The following SLC4A4 variants were observed in gnomAD, a reference collection of about 807,000 sequenced individuals.
The protein encoded by SLC4A4 is solute carrier family 4 member 4.
A neutral mutation model predicts 111.5 loss-of-function variants in SLC4A4; 27 were observed. The observed-to-expected ratio is 0.24, with a 90% CI of 0.18 to 0.33. The LOEUF is 0.33. Among genes scored for constraint, SLC4A4 ranks in the 10% least tolerant of loss-of-function variants. SLC4A4 has a pLI of 1.00. For missense variants in SLC4A4, 909 were observed against 1,315.5 expected (o/e 0.69, Z 4.78); for synonymous variants, 443 against 463.4 (o/e 0.96, Z 0.57).
At chr4:71,229,263 A>G (rs1719243576) in intron 1 of SLC4A4, among the ~76,000 whole-genome samples, 1 of 152,286 alleles carries the variant, frequency 6.6e-6, no homozygotes, top group African/African-American at 2.4e-5. Context: ...GCTAAGCAGT[A>G]TTTCATGGTA....
chr4:71,420,328 G>A (rs1254696727), intron 7 of SLC4A4, among the ~76,000 whole-genome samples: 2 of 152,138 alleles, frequency 1.3e-5, no homozygotes. Flanking sequence ...AAGAAATATG[G>A]GACTATGTGA....
At chr4:71,137,613 G>A (rs1240086744) in intron 2 of SLC4A4, among the ~76,000 whole-genome samples, 2 of 152,036 alleles carry the variant, frequency 1.3e-5, no homozygotes, top group Admixed American at 1.3e-4. Flanking sequence ...TCTTCCCTTT[G>A]CTTTCTGCAA....
intron 2 of SLC4A4, among the ~76,000 whole-genome samples, chr4:71,130,893 G>C (rs1743683603): frequency 6.6e-6 from 1 of 152,172 alleles, no homozygotes; most frequent in Admixed American, 6.5e-5. Flanking sequence ...CTCTCTGTGA[G>C]AGGAGGTTGT....
intron 2 of SLC4A4, among the ~76,000 whole-genome samples, chr4:71,138,148 A>G (rs1237151711): frequency 6.6e-6 from 1 of 152,220 alleles, no homozygotes; most frequent in Non-Finnish European, 1.5e-5. Context: ...AAGTTGATTA[A>G]TGGAGGATAT....
chr4:71,136,789 A>G (rs1247563301), intron 2 of SLC4A4, among the ~76,000 whole-genome samples: 1 of 152,158 alleles, frequency 6.6e-6, no homozygotes. Context: ...TCCCTCTATA[A>G]TCCCTGAAAT....
chr4:71,562,684 A>G (rs1737101727), intron 23 of SLC4A4, among the ~76,000 whole-genome samples: 2 of 151,650 alleles, frequency 1.3e-5, no homozygotes, highest in Admixed American at 1.3e-4. Context: ...CAGCACACCG[A>G]TGGGTCTTGA....
intron 3 of SLC4A4, among the ~76,000 whole-genome samples, chr4:71,286,320 T>C (rs2149097150): frequency 1.3e-5 from 2 of 152,318 alleles, no homozygotes; most frequent in Middle Eastern, 6.8e-3. Flanking sequence ...AAGTGTTTTC[T>C]AAAAGCACTC....
chr4:71,493,906 T>A (rs1730168099), intron 15 of SLC4A4, among the ~76,000 whole-genome samples: 1 of 152,106 alleles, frequency 6.6e-6, no homozygotes, highest in Non-Finnish European at 1.5e-5. Flanking sequence ...TGCAATTTTT[T>A]CACTCCCACG....
At chr4:71,145,933 G>A (rs1356562995) in intron 2 of SLC4A4, among the ~76,000 whole-genome samples, 1 of 151,986 alleles carries the variant, frequency 6.6e-6, no homozygotes, top group Non-Finnish European at 1.5e-5. Context: ...AGGGTTTTTT[G>A]TGTCTCTATT....
In SLC4A4 at chr4:71,417,216, A is replaced by G. The variant is rs183527296; in HGVS notation, c.807+19563A>G. Among the ~76,000 whole-genome samples the G allele has an allele frequency of 2.3e-4, 35 of 152,318 alleles. 1 individual carries two copies. In the East Asian group the frequency reaches 6.2e-3, roughly 27 times the overall value. On this transcript the variant is annotated intron_variant, in intron 7 of 25. Coordinates refer to ENST00000264485, the MANE Select transcript of SLC4A4 (RefSeq NM_001098484.3). ...TGAATGATACATGGTTTCTTTTCTT[A>G]GGGTACTTTAGACCTGTCTTTAAAG... is the stretch of plus-strand genomic sequence containing the variant.
chr4:71,339,617 C>G lies in SLC4A4; in HGVS notation c.389+112C>G, dbSNP rs547216287. 57 of 991,110 alleles carry G rather than the reference C, an allele frequency of 5.8e-5. No homozygotes were observed. The African/African-American group carries it at 8.4e-4, about 15-fold the overall frequency. 61.4% of individuals were successfully genotyped at this position (991,110 alleles called of 1,614,324 possible). A position where few individuals can be genotyped will look rare whatever the true frequency, so the allele number is the denominator to read the frequency against. On this transcript the variant is annotated intron_variant, in intron 4 of 25. Coordinates refer to ENST00000264485, the MANE Select transcript of SLC4A4 (RefSeq NM_001098484.3). ...CTTAGCACTTTGAATGGCCAATGGGCATGATGTTGGCTGGGATAAGGAGTA... is the reference window on the plus strand; with the variant it reads ...CTTAGCACTTTGAATGGCCAATGGGGATGATGTTGGCTGGGATAAGGAGTA...
intron 18 of SLC4A4, among the ~76,000 whole-genome samples, chr4:71,545,235 A>T (rs748642115): frequency 7.2e-5 from 11 of 152,134 alleles, no homozygotes; most frequent in Non-Finnish European, 1.3e-4. Flanking sequence ...TCAGAACATG[A>T]TTAGATCCAT....
At chr4:71,300,694 AG>A in intron 3 of SLC4A4, 1 of 391,666 alleles carries the variant, frequency 2.6e-6, no homozygotes, top group Non-Finnish European at 5.1e-6. Flanking sequence ...AGTGATATGT[AG>A]GGGCATGGGG....
intron 1 of SLC4A4, among the ~76,000 whole-genome samples, chr4:71,191,238 G>C (rs964259824): frequency 6.6e-6 from 1 of 152,182 alleles, no homozygotes; most frequent in Non-Finnish European, 1.5e-5. Context: ...ATAACCCACC[G>C]TACATTTAGG....
At chr4:71,357,253 T>C in intron 6 of SLC4A4, 66 bp downstream of exon 6, 1 of 1,487,286 alleles carries the variant, frequency 6.7e-7, no homozygotes. Flanking sequence ...CACCGTCTCC[T>C]GTCATCTTTG....
In SLC4A4 at chr4:71,571,341, G is replaced by C. The variant is rs1737924965; in HGVS notation, c.*3590G>C. The C allele has an allele frequency of 6.6e-6, 1 of 152,100 alleles. No homozygotes were observed. Among genetic ancestry groups the C allele is most frequent in the South Asian group, 2.1e-4 (1 of 4,828 alleles). 9.4% of individuals were successfully genotyped at this position (152,100 alleles called of 1,614,324 possible). A position where few individuals can be genotyped will look rare whatever the true frequency, so the allele number is the denominator to read the frequency against. On this transcript the variant is annotated 3_prime_UTR_variant, in exon 26 of 26. Coordinates refer to ENST00000264485, the MANE Select transcript of SLC4A4 (RefSeq NM_001098484.3). Reference sequence around the variant, plus strand: ...TTATATTTCATGATATTTCACATTTGCTCTTCACAGCATGAGCATGAAGCC... The same window carrying C: ...TTATATTTCATGATATTTCACATTTCCTCTTCACAGCATGAGCATGAAGCC...
At chr4:71,320,910 G>A (rs1317612944) in intron 3 of SLC4A4, among the ~76,000 whole-genome samples, 1 of 151,998 alleles carries the variant, frequency 6.6e-6, no homozygotes, top group Non-Finnish European at 1.5e-5. Context: ...AATCTCTTTT[G>A]AAATGGCACT....
chr4:71,212,673 C>T (rs1009478312), intron 1 of SLC4A4, among the ~76,000 whole-genome samples: 4 of 152,008 alleles, frequency 2.6e-5, no homozygotes, highest in Non-Finnish European at 5.9e-5. Context: ...CCTGTGTGCA[C>T]GCGTTTGTGT....
At chr4:71,156,588 G>GCGCACACACACACACACA (rs376043069) in intron 2 of SLC4A4, among the ~76,000 whole-genome samples, 2 of 138,512 alleles carry the variant, frequency 1.4e-5, no homozygotes, top group Admixed American at 7.6e-5. Flanking sequence ...GCGCGCGCGC[G>GCGCACACACACACACACA]CACACACACA....
Sources: gnomAD v4.1 joint callset for allele counts (sites outside exome capture counted in the v4.1 genomes callset) on GRCh38, gnomAD v4.1.1 for gene constraint, MANE v1.5 for transcripts, NCBI Gene and HGNC (gene_info 2026-07-23, HGNC 2026-07-21) for gene names.